SLC25A20: variants seen among roughly 807,000 people sequenced by gnomAD.
SLC25A20 encodes mitochondrial carnitine/acylcarnitine carrier protein.
In SLC25A20, 29 loss-of-function variants were observed where a neutral mutation model predicts 39.7. That is an observed-to-expected ratio of 0.73 (90% CI 0.54 to 1.00). SLC25A20 has a LOEUF of 1.00. Among genes scored for constraint, SLC25A20 ranks in the 50% least tolerant of loss-of-function variants. The pLI is 0.00. For synonymous variants in SLC25A20, 103 were observed against 142.2 expected (o/e 0.72, Z 1.96); for missense variants, 333 against 379.9 (o/e 0.88, Z 1.03).
At position 48,884,932 on chromosome 3, in the gene SLC25A20, G is replaced by A. The variant is rs191779213; in HGVS notation, c.199-808C>T. Among the ~76,000 whole-genome samples, 80 of 150,604 alleles carry A rather than the reference G, an allele frequency of 5.3e-4. 1 individual carries two copies. The highest frequency in any genetic ancestry group is 6.9e-3 in the Middle Eastern group (2 of 290). On this transcript the variant is annotated intron_variant, in intron 2 of 8. Coordinates refer to ENST00000319017, the MANE Select transcript of SLC25A20 (RefSeq NM_000387.6). Reference sequence around the variant, plus strand: ...AAAGCTACAAAACAGGATACACAACGTGATCTACCTTCTTTGGGGTAAGAT... The same window carrying A: ...AAAGCTACAAAACAGGATACACAACATGATCTACCTTCTTTGGGGTAAGAT...
intron 3 of SLC25A20, 111 bp from the exon 4 acceptor site, chr3:48,879,559 T>C: frequency 9.1e-6 from 7 of 772,168 alleles, no homozygotes; most frequent in Non-Finnish European, 1.6e-5. Flanking sequence ...GTACTTGGAC[T>C]GGGTAGAAGC....
chr3:48,876,398 T>C (rs1002607208), intron 4 of SLC25A20, among the ~76,000 whole-genome samples: 8 of 151,840 alleles, frequency 5.3e-5, no homozygotes, highest in South Asian at 4.1e-4. Context: ...ATTCCATTCA[T>C]ATAACATTGT....
intron 4 of SLC25A20, among the ~76,000 whole-genome samples, chr3:48,870,558 CTTTTTTTTTTTT>C (rs752195846): frequency 8.1e-6 from 1 of 123,482 alleles, no homozygotes; most frequent in African/African-American, 3.0e-5. Context: ...TTTTCTTTTT[CTTTTTTTTTTTT>C]TTTTTTTGAG....
chr3:48,887,428 C>T (rs757559504), intron 2 of SLC25A20, among the ~76,000 whole-genome samples: 1 of 152,204 alleles, frequency 6.6e-6, no homozygotes, highest in Non-Finnish European at 1.5e-5. Flanking sequence ...AACTCCAGGA[C>T]CCAGCACATT....
intron 2 of SLC25A20, among the ~76,000 whole-genome samples, chr3:48,885,716 C>T (rs1409587798): frequency 2.6e-5 from 4 of 152,030 alleles, no homozygotes; most frequent in African/African-American, 7.2e-5. Context: ...GCATGAGAAT[C>T]GCTTGAACCT....
intron 6 of SLC25A20, 140 bp from the exon 7 acceptor site, chr3:48,859,341 C>T: frequency 1.2e-6 from 1 of 853,632 alleles, no homozygotes; most frequent in African/African-American, 1.7e-5. Flanking sequence ...GTGCTGCTGG[C>T]ACTCCTTGGA....
chr3:48,898,313 T>C (rs959975309), intron 1 of SLC25A20, among the ~76,000 whole-genome samples: 4 of 152,324 alleles, frequency 2.6e-5, no homozygotes, highest in Admixed American at 2.6e-4. Context: ...GTTGTCTTCC[T>C]GGGGCAGGCT....
chr3:48,870,812 AG>A (rs2083709265), intron 4 of SLC25A20, among the ~76,000 whole-genome samples: 1 of 127,492 alleles, frequency 7.8e-6, no homozygotes, highest in Non-Finnish European at 1.6e-5. Flanking sequence ...GCCAGGAATC[AG>A]ATTTTTTTTT....
At chr3:48,898,659 T>A in intron 1 of SLC25A20, 31 bp downstream of exon 1, 1 of 1,565,180 alleles carries the variant, frequency 6.4e-7, no homozygotes, top group Non-Finnish European at 8.7e-7. Flanking sequence ...CCGGGCCTCC[T>A]CCCCAAAGCC....
chr3:48,858,692 C>T, intron 7 of SLC25A20, 61 bp from the exon 8 acceptor site: 1 of 1,610,824 alleles, frequency 6.2e-7, no homozygotes, highest in Non-Finnish European at 8.5e-7. Context: ...TTAAGTCTTC[C>T]TGAAGGGTCA....
At chr3:48,884,476 A>G (rs1027802384) in intron 2 of SLC25A20, among the ~76,000 whole-genome samples, 14 of 152,006 alleles carry the variant, frequency 9.2e-5, no homozygotes, top group Non-Finnish European at 1.9e-4. Flanking sequence ...CAGCCTCCCA[A>G]GTAGCTGGGA....
chr3:48,865,595 TAAA>T (rs766275901), intron 4 of SLC25A20, among the ~76,000 whole-genome samples: 2 of 85,092 alleles, frequency 2.4e-5, no homozygotes. Flanking sequence ...ACCCTGTTTC[TAAA>T]AAAAAAAAAA....
At chr3:48,890,724 A>T (rs1233470139) in intron 2 of SLC25A20, among the ~76,000 whole-genome samples, 3 of 132,020 alleles carry the variant, frequency 2.3e-5, no homozygotes. Flanking sequence ...GTGTGATCTC[A>T]GCTCACTGCA....
At chr3:48,878,266 A>AAT (rs2083775847) in intron 4 of SLC25A20, among the ~76,000 whole-genome samples, 2 of 51,154 alleles carry the variant, frequency 3.9e-5, no homozygotes, top group Non-Finnish European at 6.9e-5. Flanking sequence ...TCTCCACAAA[A>AAT]AAAAAAAATA....
At chr3:48,860,506 G>A (rs2083617974) in intron 5 of SLC25A20, among the ~76,000 whole-genome samples, 1 of 151,900 alleles carries the variant, frequency 6.6e-6, no homozygotes, top group African/African-American at 2.4e-5. Flanking sequence ...TCAGGAGACT[G>A]AGGCAGGAGA....
At chr3:48,893,644 C>T (rs1190032581) in intron 1 of SLC25A20, among the ~76,000 whole-genome samples, 1 of 151,958 alleles carries the variant, frequency 6.6e-6, no homozygotes, top group East Asian at 1.9e-4. Flanking sequence ...GGTGATCCTC[C>T]CACCTCAGCC....
rs576094770 is a variant in SLC25A20, at chr3:48,883,915, C to T, written c.326+82G>A. 5.2e-4 allele frequency: 799 copies of T among 1,548,326 alleles called. 5 individuals carry two copies. Among genetic ancestry groups the T allele is most frequent in the Non-Finnish European group, 5.9e-4 (665 of 1,135,110 alleles). On this transcript the variant is annotated intron_variant, in intron 3 of 8. Coordinates refer to ENST00000319017, the MANE Select transcript of SLC25A20 (RefSeq NM_000387.6). ...CTAGGATTACAGGTATGAGCCACCGCGCCCTGCCCAAGTTTCTTTATTTTA... is the reference window on the plus strand; with the variant it reads ...CTAGGATTACAGGTATGAGCCACCGTGCCCTGCCCAAGTTTCTTTATTTTA...
At chr3:48,895,385 G>T (rs977496588) in intron 1 of SLC25A20, among the ~76,000 whole-genome samples, 2 of 152,172 alleles carry the variant, frequency 1.3e-5, no homozygotes, top group African/African-American at 4.8e-5. Flanking sequence ...CAGGTGATCT[G>T]CCCGCCTCAG....
chr3:48,874,078 G>T (rs2083737586), intron 4 of SLC25A20, among the ~76,000 whole-genome samples: 1 of 151,936 alleles, frequency 6.6e-6, no homozygotes, highest in African/African-American at 2.4e-5. Context: ...AATCACCTGA[G>T]GTCAGGAGTT....
Sources: gnomAD v4.1 joint callset for allele counts (sites outside exome capture counted in the v4.1 genomes callset) on GRCh38, gnomAD v4.1.1 for gene constraint, MANE v1.5 for transcripts, NCBI Gene and HGNC (gene_info 2026-07-23, HGNC 2026-07-21) for gene names.